Variants in AK7 observed in about 807,000 individuals in gnomAD.
The protein encoded by AK7 is ATP-AMP transphosphorylase 7.
A neutral mutation model predicts 96.6 loss-of-function variants in AK7; 78 were observed. That is an observed-to-expected ratio of 0.81 (90% CI 0.67 to 0.97). AK7 has a LOEUF of 0.97. Among genes scored for constraint, AK7 ranks in the 50% least tolerant of loss-of-function variants. AK7 has a pLI of 0.00. For missense variants in AK7, 855 were observed against 887.9 expected (o/e 0.96, Z 0.47); for synonymous variants, 302 against 317.2 (o/e 0.95, Z 0.51).
chr14:96,459,448 T>C (rs548698483), intron 12 of AK7, among the ~76,000 whole-genome samples: 3 of 152,128 alleles, frequency 2.0e-5, no homozygotes, highest in Admixed American at 2.0e-4. Context: ...ATCAGTTGGT[T>C]GTCCTTTTAA....
At position 96,488,667 on chromosome 14, in the gene AK7, C is replaced by T. The variant is rs1300662261; in HGVS notation, c.*324C>T. The T allele has an allele frequency of 9.7e-6, 2 of 206,876 alleles. No individual in the cohort carries two copies. The highest frequency in any genetic ancestry group is 9.8e-6 in the Non-Finnish European group (1 of 102,084). 12.8% of individuals were successfully genotyped at this position (206,876 alleles called of 1,614,324 possible). On this transcript the variant is annotated 3_prime_UTR_variant, in exon 18 of 18. Transcript: ENST00000267584. ...TATTTATAGCATGAAGAAAATCAGA[C>T]TATATATTGTAGACTATGTATTATT...
intron 13 of AK7, 33 bp downstream of exon 13, chr14:96,471,639 A>G (rs765536987): frequency 6.9e-7 from 1 of 1,452,768 alleles, no homozygotes. Flanking sequence ...GAGTATTTAT[A>G]TTCAGATAAG....
At chr14:96,454,452 TA>T (rs1375199183) in intron 10 of AK7, among the ~76,000 whole-genome samples, 1 of 151,970 alleles carries the variant, frequency 6.6e-6, no homozygotes, top group Non-Finnish European at 1.5e-5. Flanking sequence ...TTTTTTTTTT[TA>T]ATGAGTATGT....
Position 96,392,129 on chromosome 14 carries a change from C to T in AK7, c.-26C>T, listed in dbSNP as rs776582512. On this transcript the variant is annotated 5_prime_UTR_variant, in exon 1 of 18. Transcript: ENST00000267584. ...CCTTGGCAAGCGAGTGGCGCTTTCA[C>T]CTTAGCAACCAGCGCGGCTCCCACC... is the stretch of plus-strand genomic sequence containing the variant. 4.4e-6 allele frequency: 7 copies of T among 1,590,366 alleles called. No individual in the cohort carries two copies. In the East Asian group the frequency reaches 6.7e-5, roughly 15 times the overall value.
intron 5 of AK7, among the ~76,000 whole-genome samples, chr14:96,424,362 C>T (rs2140049887): frequency 6.6e-6 from 1 of 152,378 alleles, no homozygotes; most frequent in South Asian, 2.1e-4. Context: ...CTTATGTCAT[C>T]TGTGTTTTAC....
At chr14:96,425,908 G>A (rs1302193660) in intron 5 of AK7, among the ~76,000 whole-genome samples, 2 of 152,062 alleles carry the variant, frequency 1.3e-5, no homozygotes, top group Non-Finnish European at 2.9e-5. Flanking sequence ...GTCTTTACAG[G>A]TAGAGTGTGT....
chr14:96,419,181 T>G (rs1891525434), intron 4 of AK7, among the ~76,000 whole-genome samples: 1 of 152,090 alleles, frequency 6.6e-6, no homozygotes, highest in African/African-American at 2.4e-5. Context: ...AATTCCTCAT[T>G]CCCAGGACGT....
intron 16 of AK7, among the ~76,000 whole-genome samples, chr14:96,484,285 TC>T (rs759914643): frequency 3.9e-5 from 6 of 152,070 alleles, no homozygotes; most frequent in Non-Finnish European, 7.4e-5. Context: ...CCCAAATCTG[TC>T]CCAAGCTCTC....
chr14:96,399,652 C>G lies in AK7; in HGVS notation c.294+1389C>G, dbSNP rs1180193932. Among the ~76,000 whole-genome samples, 2 of 152,236 alleles carry G rather than the reference C, an allele frequency of 1.3e-5. No homozygotes were observed. The highest frequency in any genetic ancestry group is 1.3e-4 in the Admixed American group (2 of 15,290). ...GCCGATGTCACCAGCAGTCCCCTGA[C>G]TCCCGAGGGGCTTAGCTCACCTGGC... On this transcript the variant is annotated intron_variant, in intron 2 of 17. Transcript: ENST00000267584. The surrounding 1 kb of genome is among the most constrained non-coding windows in gnomAD (Gnocchi z 4.1).
intron 5 of AK7, among the ~76,000 whole-genome samples, chr14:96,432,802 G>A (rs1892429734): frequency 6.8e-6 from 1 of 147,558 alleles, no homozygotes; most frequent in Admixed American, 6.9e-5. Flanking sequence ...GGCTAACACA[G>A]TGAAACCCTA....
chr14:96,441,642 CAAAAAAAA>C (rs34473287), intron 6 of AK7, among the ~76,000 whole-genome samples: 3 of 91,506 alleles, frequency 3.3e-5, no homozygotes, highest in African/African-American at 1.4e-4. Flanking sequence ...GACTCCGTCT[CAAAAAAAA>C]AAAAAAAAAA....
chr14:96,479,461 G>T (rs1490452847), intron 15 of AK7, among the ~76,000 whole-genome samples: 2 of 151,346 alleles, frequency 1.3e-5, no homozygotes, highest in South Asian at 4.2e-4. Context: ...CTTGGGAGCA[G>T]TGTTCTGTCC....
chr14:96,435,825 A>C (rs1892607767), intron 5 of AK7, among the ~76,000 whole-genome samples: 1 of 152,126 alleles, frequency 6.6e-6, no homozygotes, highest in South Asian at 2.1e-4. Flanking sequence ...CTAACAGGAC[A>C]GTGCTGAGTT....
chr14:96,421,854 C>T (rs1379266512), intron 5 of AK7, among the ~76,000 whole-genome samples: 3 of 152,154 alleles, frequency 2.0e-5, no homozygotes, highest in Non-Finnish European at 2.9e-5. Flanking sequence ...ATCCGCCCGC[C>T]TGGAACTCCC....
At chr14:96,414,757 C>CTTTTTTTT in intron 4 of AK7, among the ~76,000 whole-genome samples, 1 of 100,128 alleles carries the variant, frequency 1.0e-5, no homozygotes, top group Non-Finnish European at 1.9e-5. Context: ...AGGATTCCTT[C>CTTTTTTTT]TTTTTTTTTT....
At chr14:96,481,691 A>T (rs1895510741) in intron 15 of AK7, among the ~76,000 whole-genome samples, 1 of 147,474 alleles carries the variant, frequency 6.8e-6, no homozygotes, top group African/African-American at 2.5e-5. Context: ...GGAGCTACCG[A>T]TATGACTTTT....
At chr14:96,402,167 G>T (rs908840798) in intron 2 of AK7, among the ~76,000 whole-genome samples, 9 of 147,282 alleles carry the variant, frequency 6.1e-5, no homozygotes, top group Admixed American at 2.8e-4. Flanking sequence ...ATCTTCTCAA[G>T]AAAGTGCATA....
chr14:96,478,352 AT>A (rs1212767089), intron 14 of AK7, 112 bp from the exon 15 acceptor site: 13 of 1,039,142 alleles, frequency 1.3e-5, no homozygotes, highest in Non-Finnish European at 1.9e-5. Flanking sequence ...TGGACAGGCT[AT>A]TTGTGGCAAC....
intron 2 of AK7, among the ~76,000 whole-genome samples, chr14:96,401,424 T>G (rs1890402465): frequency 6.6e-6 from 1 of 152,128 alleles, no homozygotes; most frequent in African/African-American, 2.4e-5. Flanking sequence ...CTTGGAAGGT[T>G]GGGATCTACT....
Sources: gnomAD v4.1 joint callset for allele counts (sites outside exome capture counted in the v4.1 genomes callset) on GRCh38, gnomAD v4.1.1 for gene constraint, Gnocchi (gnomAD v3.1) non-coding constraint, MANE v1.5 for transcripts, NCBI Gene and HGNC (gene_info 2026-07-23, HGNC 2026-07-21) for gene names.